The following ARHGEF26 variants were observed in gnomAD, a reference collection of about 807,000 sequenced individuals.
ARHGEF26 encodes Rho guanine nucleotide exchange factor (GEF) 26.
Under a neutral mutation model 89.4 loss-of-function variants are expected in ARHGEF26, and 59 were observed. The ratio of observed to expected loss-of-function variants is 0.66; its 90% CI spans 0.54 to 0.82. The LOEUF is 0.82. Ranked by LOEUF, ARHGEF26 falls within the 40% of genes least tolerant of loss-of-function variation. The pLI, the probability that ARHGEF26 is intolerant of heterozygous loss-of-function variation, is 0.00. For missense variants in ARHGEF26, 1,234 were observed against 1,085.6 expected (o/e 1.14, Z -1.92); for synonymous variants, 500 against 428.4 (o/e 1.17, Z -2.06).
chr3:154,197,914 G>C (rs1186375055), intron 9 of ARHGEF26, among the ~76,000 whole-genome samples: 3 of 152,018 alleles, frequency 2.0e-5, no homozygotes, highest in Non-Finnish European at 4.4e-5. Flanking sequence ...AATCTTCCCT[G>C]TTATTTCCTT....
intron 9 of ARHGEF26, among the ~76,000 whole-genome samples, chr3:154,211,828 C>G (rs1715379165): frequency 6.6e-6 from 1 of 150,818 alleles, no homozygotes; most frequent in African/African-American, 2.5e-5. Flanking sequence ...AGTATAATGA[C>G]ACCTAGAAAA....
chr3:154,219,219 C>T (rs1715965425), intron 10 of ARHGEF26, among the ~76,000 whole-genome samples: 1 of 152,144 alleles, frequency 6.6e-6, no homozygotes, highest in African/African-American at 2.4e-5. Flanking sequence ...TTAATTTCCT[C>T]CTTTTGAAAG....
intron 6 of ARHGEF26, among the ~76,000 whole-genome samples, chr3:154,172,468 GT>G (rs1712511647): frequency 6.6e-6 from 1 of 152,216 alleles, no homozygotes; most frequent in Non-Finnish European, 1.5e-5. Context: ...GACAAGGCAG[GT>G]GGATTGCTTG....
chr3:154,222,569 T>A (rs542158787), intron 10 of ARHGEF26, among the ~76,000 whole-genome samples: 30 of 152,342 alleles, frequency 2.0e-4, no homozygotes, highest in African/African-American at 5.5e-4. Flanking sequence ...ATTTAAGAGA[T>A]ATAAAGGGTT....
chr3:154,165,068 T>A (rs557056872), intron 6 of ARHGEF26, among the ~76,000 whole-genome samples: 1 of 152,266 alleles, frequency 6.6e-6, no homozygotes, highest in Admixed American at 6.5e-5. Flanking sequence ...TTTTGGAGGA[T>A]CTCATATGGT....
At chr3:154,243,597 A>C (rs1240591070) in intron 12 of ARHGEF26, among the ~76,000 whole-genome samples, 1 of 152,194 alleles carries the variant, frequency 6.6e-6, no homozygotes, top group Admixed American at 6.5e-5. Flanking sequence ...TGTTCTCAGA[A>C]TATTTAGTCA....
At chr3:154,192,875 T>C (rs1348190930) in intron 8 of ARHGEF26, among the ~76,000 whole-genome samples, 1 of 152,248 alleles carries the variant, frequency 6.6e-6, no homozygotes, top group Admixed American at 6.5e-5. Flanking sequence ...AAATGCATTT[T>C]AAACATGTTT....
intron 4 of ARHGEF26, among the ~76,000 whole-genome samples, chr3:154,134,459 C>A (rs1464399543): frequency 3.3e-5 from 5 of 152,114 alleles, no homozygotes; most frequent in African/African-American, 1.2e-4. Flanking sequence ...GTTTTTAAAA[C>A]CATCAGATCT....
At chr3:154,146,368 C>G (rs1719708240) in intron 4 of ARHGEF26, among the ~76,000 whole-genome samples, 2 of 152,130 alleles carry the variant, frequency 1.3e-5, no homozygotes, top group South Asian at 4.1e-4. Flanking sequence ...GGACACAAAC[C>G]TTCAGACCAT....
In ARHGEF26 at chr3:154,255,830, G is replaced by T; in HGVS notation, c.*357G>T. 3 of 1,035,866 alleles carry T rather than the reference G, an allele frequency of 2.9e-6. No homozygotes were observed. Among genetic ancestry groups the T allele is most frequent in the South Asian group, 8.4e-5 (2 of 23,688 alleles). The allele number at this position is 1,035,866 out of a possible 1,614,324, so 64.2% of individuals were successfully genotyped here. ...TTCTCTATCCTTGCATTACTAAGGT[G>T]ACTGTCTCTCTTTATACATCCTTGT... On this transcript the variant is annotated 3_prime_UTR_variant, in exon 15 of 15. Transcript: ENST00000465093.
At position 154,255,925 on chromosome 3, in the gene ARHGEF26, CT is replaced by C. The variant is rs373595788; in HGVS notation, c.*461del. On this transcript the variant is annotated 3_prime_UTR_variant, in exon 15 of 15. Coordinates refer to ENST00000465093, the MANE Select transcript of ARHGEF26 (RefSeq NM_015595.4). ...TCCAGTTTTGTAAATATTTCCCTGCCTTTTTTTTTCTTTTTTTACATCTGAT... is the reference window on the plus strand; with the variant it reads ...TCCAGTTTTGTAAATATTTCCCTGCCTTTTTTTTCTTTTTTTACATCTGAT... 1.4e-3 allele frequency: 1,372 copies of C among 981,954 alleles called. 20 individuals are homozygous for C. The African/African-American group carries it at 0.023, about 16-fold the overall frequency. 60.8% of individuals were successfully genotyped at this position (981,954 alleles called of 1,614,324 possible). A position where few individuals can be genotyped will look rare whatever the true frequency, so the allele number is the denominator to read the frequency against.
chr3:154,149,402 G>A lies in ARHGEF26; in HGVS notation c.1283G>A (p.Gly428Glu). 6.2e-7 allele frequency: 1 copy of A among 1,607,078 alleles called. No homozygotes were observed. Among genetic ancestry groups the A allele is most frequent in the Non-Finnish European group, 8.5e-7 (1 of 1,176,454 alleles). Reference protein sequence around the residue: ...WSQLSAVKRKGLSQTVSQEER... With the variant: ...WSQLSAVKRKELSQTVSQEER... Reference sequence around the variant, plus strand: ...TTTTTCTCCTAGGTGAAAAGAAAGGGATTATCTCAGACAGTAAGCCAGGAG... The same window carrying A: ...TTTTTCTCCTAGGTGAAAAGAAAGGAATTATCTCAGACAGTAAGCCAGGAG... Residue 428 changes from glycine to glutamate, a missense_variant, in exon 5 of 15, where the codon GGA becomes GAA. Coordinates refer to ENST00000465093, the MANE Select transcript of ARHGEF26 (RefSeq NM_015595.4).
intron 10 of ARHGEF26, 73 bp downstream of exon 10, chr3:154,218,031 A>G: frequency 7.6e-7 from 1 of 1,309,594 alleles, no homozygotes; most frequent in Non-Finnish European, 1.1e-6. Context: ...GTTGAGGGCA[A>G]CAAAGTAGAT....
In ARHGEF26 at chr3:154,201,574, G is replaced by A. The variant is rs1233480840; in HGVS notation, c.1845+6856G>A. Among the ~76,000 whole-genome samples, 260 of 152,102 alleles carry A rather than the reference G, an allele frequency of 1.7e-3. 2 individuals are homozygous for A. The highest frequency in any genetic ancestry group is 2.9e-3 in the Admixed American group (45 of 15,266). On this transcript the variant is annotated intron_variant, in intron 9 of 14. Transcript: ENST00000465093. ...TCTAGTTCTAGATCCCTGAGGAATC[G>A]CCACACTGACTTCCACAATGGTTGA...
At chr3:154,149,231 CTG>C (rs897327385) in intron 4 of ARHGEF26, among the ~76,000 whole-genome samples, 156 bp from the exon 5 acceptor site, 18 of 49,444 alleles carry the variant, frequency 3.6e-4, no homozygotes, top group South Asian at 1.6e-3. Flanking sequence ...TATTAAATAA[CTG>C]TTGATTAATT....
At chr3:154,230,538 G>C (rs1051371029) in intron 11 of ARHGEF26, among the ~76,000 whole-genome samples, 1 of 152,108 alleles carries the variant, frequency 6.6e-6, no homozygotes, top group African/African-American at 2.4e-5. Flanking sequence ...GTAAGCTTTT[G>C]TTGAGTATTT....
At chr3:154,229,779 G>T (rs1039173909) in intron 11 of ARHGEF26, among the ~76,000 whole-genome samples, 3 of 152,094 alleles carry the variant, frequency 2.0e-5, no homozygotes, top group African/African-American at 7.2e-5. Flanking sequence ...CACTATACTA[G>T]CATGGTAGTA....
At chr3:154,232,353 A>G (rs1425185473) in intron 11 of ARHGEF26, among the ~76,000 whole-genome samples, 2 of 152,160 alleles carry the variant, frequency 1.3e-5, no homozygotes, top group African/African-American at 2.4e-5. Context: ...TATTTGTTAT[A>G]TTATTAACAA....
In ARHGEF26 at chr3:154,256,269, C is replaced by T. The variant is rs946073409; in HGVS notation, c.*796C>T. On this transcript the variant is annotated 3_prime_UTR_variant, in exon 15 of 15. Transcript: ENST00000465093. ...TTTTTCCCCACCTCTGTCGCCCAGG[C>T]TAGAGTATAGTGGTGTGATCTTGGC... is the stretch of plus-strand genomic sequence containing the variant. 1.5e-5 allele frequency: 15 copies of T among 984,550 alleles called. No individual in the cohort carries two copies. Among genetic ancestry groups the T allele is most frequent in the Non-Finnish European group, 1.8e-5 (15 of 829,306 alleles). The allele number at this position is 984,550 out of a possible 1,614,324, so 61.0% of individuals were successfully genotyped here. A position where few individuals can be genotyped will look rare whatever the true frequency, so the allele number is the denominator to read the frequency against.
Sources: allele counts gnomAD v4.1 joint callset (sites outside exome capture counted in the v4.1 genomes callset), GRCh38; gene constraint gnomAD v4.1.1; transcripts MANE v1.5; gene names NCBI Gene and HGNC (gene_info 2026-07-23, HGNC 2026-07-21).